Variants in MCTP2 observed in about 807,000 individuals in gnomAD.
MCTP2 encodes multiple C2 and transmembrane domain containing 2.
MCTP2 carries 132 observed loss-of-function variants against 111.6 expected under a neutral mutation model. The ratio of observed to expected loss-of-function variants is 1.18; its 90% CI spans 1.03 to 1.37. The LOEUF is 1.37. MCTP2 is among the 40% of genes most tolerant of loss of function. The pLI is 0.00. For missense variants in MCTP2, 1,183 were observed against 1,067.9 expected, an observed-to-expected ratio of 1.11 and a Z score of -1.50; for synonymous variants, 395 against 387.7, an observed-to-expected ratio of 1.02 and a Z score of -0.22.
At chr15:94,295,076 G>A (rs955802884) in intron 1 of MCTP2, among the ~76,000 whole-genome samples, 1 of 148,590 alleles carries the variant, frequency 6.7e-6, no homozygotes, top group Non-Finnish European at 1.5e-5. Context: ...CAGCCTCTCA[G>A]TTCCTGGCAT....
chr15:94,416,930 A>T (rs1357960094), intron 17 of MCTP2, among the ~76,000 whole-genome samples: 1 of 152,090 alleles, frequency 6.6e-6, no homozygotes, highest in Non-Finnish European at 1.5e-5. Flanking sequence ...TACTGTGGTT[A>T]GTTTATAAGT....
chr15:94,263,842 T>A (rs151199164), intron 1 of MCTP2, among the ~76,000 whole-genome samples: 1 of 152,216 alleles, frequency 6.6e-6, no homozygotes, highest in African/African-American at 2.4e-5. Flanking sequence ...AAAGAAACTT[T>A]AGCGAGTATA....
At chr15:94,268,094 C>T (rs1251041466) in intron 1 of MCTP2, among the ~76,000 whole-genome samples, 1 of 151,202 alleles carries the variant, frequency 6.6e-6, no homozygotes, top group Non-Finnish European at 1.5e-5. Flanking sequence ...TCTCAATCTC[C>T]TGACCTTGTG....
chr15:94,476,641 TAGATAGATAGAC>T lies in MCTP2; in HGVS notation c.2471-51_2471-40del, dbSNP rs1292670601. ...ATAGATAGATAGATAGATAGATAGA[TAGATAGATAGAC>T]AGACAGACAGATAAAGAGATCTCCT... is the stretch of plus-strand genomic sequence containing the variant. On this transcript the variant is annotated intron_variant, in intron 21 of 22. Coordinates refer to ENST00000357742, the MANE Select transcript of MCTP2 (RefSeq NM_001385001.1). The T allele has an allele frequency of 6.4e-4, 567 of 882,988 alleles. 3 individuals carry two copies. The highest frequency in any genetic ancestry group is 6.0e-3 in the African/African-American group (350 of 58,322). The allele number at this position is 882,988 out of a possible 1,614,324, so 54.7% of individuals were successfully genotyped here. A position where few individuals can be genotyped will look rare whatever the true frequency, so the allele number is the denominator to read the frequency against.
chr15:94,390,114 G>A (rs60961003), intron 14 of MCTP2, among the ~76,000 whole-genome samples: 2,161 of 19,848 alleles, frequency 0.11, 108 homozygotes, highest in Middle Eastern at 0.3. Flanking sequence ...ATATATATAT[G>A]TATATATATA....
At chr15:94,283,423 C>T (rs545676358) in intron 1 of MCTP2, among the ~76,000 whole-genome samples, 106 of 152,300 alleles carry the variant, frequency 7.0e-4, no homozygotes, top group Non-Finnish European at 8.5e-4. Context: ...CTTGGCTTTG[C>T]ACAGGCTGGA....
At chr15:94,406,903 G>C (rs1386853670) in intron 17 of MCTP2, among the ~76,000 whole-genome samples, 1 of 151,080 alleles carries the variant, frequency 6.6e-6, no homozygotes, top group East Asian at 1.9e-4. Flanking sequence ...TCAGAAAAGG[G>C]ATGGGGTAGA....
Position 94,340,224 on chromosome 15 carries a change from C to T in MCTP2, c.806C>T (p.Ser269Phe). Reference sequence around the variant, plus strand: ...GTATATGATCGAGATTTAACCACATCTGATTTCATGGGTTCTGCATTTGTC... The same window carrying T: ...GTATATGATCGAGATTTAACCACATTTGATTTCATGGGTTCTGCATTTGTC... ...VKVYDRDLTT[S>F]DFMGSAFVIL... The change falls in exon 6 of 23, where the codon TCT becomes TTT. Residue 269 changes from serine (S) to phenylalanine (F), a missense_variant. Physicochemically the swap from Ser to Phe is radical, Grantham distance 155 (BLOSUM62 -2). Coordinates refer to ENST00000357742, the MANE Select transcript of MCTP2 (RefSeq NM_001385001.1). 1 of 1,613,040 alleles carries T rather than the reference C, an allele frequency of 6.2e-7. No individual in the cohort carries two copies. The highest frequency in any genetic ancestry group is 8.5e-7 in the Non-Finnish European group (1 of 1,179,230).
chr15:94,370,578 T>C (rs1248695816), intron 12 of MCTP2, among the ~76,000 whole-genome samples: 1 of 152,186 alleles, frequency 6.6e-6, no homozygotes, highest in African/African-American at 2.4e-5. Flanking sequence ...AAATCTGAGC[T>C]TGAAGTCAGA....
intron 21 of MCTP2, among the ~76,000 whole-genome samples, chr15:94,474,729 C>G (rs187461428): frequency 2.0e-5 from 3 of 152,284 alleles, no homozygotes; most frequent in African/African-American, 7.2e-5. Context: ...TCTGTGATTT[C>G]CTGTTGACAG....
chr15:94,474,680 G>A (rs565284738), intron 21 of MCTP2, among the ~76,000 whole-genome samples: 21 of 152,204 alleles, frequency 1.4e-4, no homozygotes, highest in African/African-American at 1.7e-4. Context: ...CCAACATGGC[G>A]AAACCCCATC....
chr15:94,403,440 A>C (rs184042987), intron 17 of MCTP2, among the ~76,000 whole-genome samples: 1 of 152,316 alleles, frequency 6.6e-6, no homozygotes, highest in East Asian at 1.9e-4. Flanking sequence ...AGGAAAGTGA[A>C]CACAATTGGT....
chr15:94,433,230 C>T (rs540226678), intron 17 of MCTP2, among the ~76,000 whole-genome samples: 7 of 152,254 alleles, frequency 4.6e-5, no homozygotes, highest in African/African-American at 9.6e-5. Flanking sequence ...TCATGTTCTC[C>T]TATCTGAGAT....
intron 14 of MCTP2, among the ~76,000 whole-genome samples, chr15:94,393,904 G>T (rs984680660): frequency 1.3e-5 from 2 of 151,822 alleles, no homozygotes; most frequent in African/African-American, 2.4e-5. Context: ...ACAAAAATTA[G>T]CTGGGCGTGG....
chr15:94,311,166 A>C (rs375475881), intron 2 of MCTP2, among the ~76,000 whole-genome samples: 3 of 151,916 alleles, frequency 2.0e-5, no homozygotes, highest in African/African-American at 7.3e-5. Context: ...CTGGGATGAC[A>C]GGTGCACGCC....
At chr15:94,476,130 T>A (rs2074326400) in intron 21 of MCTP2, among the ~76,000 whole-genome samples, 1 of 152,066 alleles carries the variant, frequency 6.6e-6, no homozygotes, top group African/African-American at 2.4e-5. Context: ...TGAAAATGAG[T>A]TGGAGGTGGG....
intron 1 of MCTP2, among the ~76,000 whole-genome samples, chr15:94,259,545 T>C (rs1226909129): frequency 6.6e-6 from 1 of 152,212 alleles, no homozygotes; most frequent in Non-Finnish European, 1.5e-5. Flanking sequence ...TTCTATGTAG[T>C]AGTTATATAT....
At position 94,341,413 on chromosome 15, in the gene MCTP2, T is replaced by C. The variant is rs2152404933; in HGVS notation, c.969+489T>C. The C allele has an allele frequency of 3.9e-5, 6 of 153,040 alleles. No individual in the cohort carries two copies. The South Asian group carries it at 1.2e-3, about 31-fold the overall frequency. The allele number at this position is 153,040 out of a possible 1,614,324, so 9.5% of individuals were successfully genotyped here. A position where few individuals can be genotyped will look rare whatever the true frequency, so the allele number is the denominator to read the frequency against. On this transcript the variant is annotated intron_variant, in intron 7 of 22. Transcript: ENST00000357742. The stretch of plus-strand genomic sequence containing the variant: ...ATCATAATCTTATTTTATTTGGGAT[T>C]ATATTTTATAATTCTAAGGCTATAT...
intron 14 of MCTP2, among the ~76,000 whole-genome samples, chr15:94,396,165 T>A (rs1448028347): frequency 6.6e-6 from 1 of 152,182 alleles, no homozygotes; most frequent in Non-Finnish European, 1.5e-5. Flanking sequence ...AAGACTCATA[T>A]TTGAGTGAAG....
Sources: gnomAD v4.1 joint callset for allele counts (sites outside exome capture counted in the v4.1 genomes callset) on GRCh38, gnomAD v4.1.1 for gene constraint, MANE v1.5 for transcripts, NCBI Gene and HGNC (gene_info 2026-07-23, HGNC 2026-07-21) for gene names.